TSHR: variants seen among roughly 807,000 people sequenced by gnomAD.
TSHR encodes thyroid stimulating hormone receptor.
A neutral mutation model predicts 64.1 loss-of-function variants in TSHR; 51 were observed. The ratio of observed to expected loss-of-function variants is 0.80; its 90% CI spans 0.64 to 1.01. The LOEUF (loss-of-function observed/expected upper bound fraction) is 1.01. TSHR is among the 50% of genes least tolerant of loss of function. The pLI is 0.00. For synonymous variants in TSHR, 361 were observed against 361.9 expected (o/e 1.00, Z 0.03); for missense variants, 877 against 942.8 (o/e 0.93, Z 0.91).
intron 8 of TSHR, among the ~76,000 whole-genome samples, chr14:81,115,923 C>A (rs1435756360): frequency 6.6e-6 from 1 of 151,998 alleles, no homozygotes; most frequent in African/African-American, 2.4e-5. Flanking sequence ...TCATATCCAG[C>A]CAAACTAAGC....
At position 81,079,734 on chromosome 14, in the gene TSHR, T is replaced by C. The variant is rs537586695; in HGVS notation, c.318-8220T>C. On this transcript the variant is annotated intron_variant, in intron 3 of 9. Coordinates refer to ENST00000298171, the MANE Select transcript of TSHR (RefSeq NM_000369.5). Reference sequence around the variant, plus strand: ...AGCTGGGCACAATGGCACTTGCCTATAGTCCCAGCTTCTCAGGAAGTTGAG... The same window carrying C: ...AGCTGGGCACAATGGCACTTGCCTACAGTCCCAGCTTCTCAGGAAGTTGAG... Among the ~76,000 whole-genome samples, 5 of 152,054 alleles carry C rather than the reference T, an allele frequency of 3.3e-5. No homozygotes were observed. In the East Asian group the frequency reaches 9.7e-4, roughly 29 times the overall value.
At chr14:81,007,017 T>C (rs781028649) in intron 1 of TSHR, among the ~76,000 whole-genome samples, 1 of 152,248 alleles carries the variant, frequency 6.6e-6, no homozygotes, top group Non-Finnish European at 1.5e-5. Flanking sequence ...AACAAACTTT[T>C]TCAGTCCCAG....
At chr14:81,110,471 C>T (rs932365553) in intron 8 of TSHR, among the ~76,000 whole-genome samples, 3 of 152,174 alleles carry the variant, frequency 2.0e-5, no homozygotes, top group African/African-American at 7.2e-5. Context: ...CAGGAGAAGC[C>T]AAACTTGCTG....
intron 1 of TSHR, among the ~76,000 whole-genome samples, chr14:81,034,346 T>C (rs1884513567): frequency 6.6e-6 from 1 of 152,148 alleles, no homozygotes; most frequent in Non-Finnish European, 1.5e-5. Flanking sequence ...AAGATCTAAG[T>C]GGGGTGCAGT....
intron 1 of TSHR, among the ~76,000 whole-genome samples, chr14:80,961,802 T>A (rs1887044482): frequency 6.6e-6 from 1 of 152,246 alleles, no homozygotes; most frequent in Non-Finnish European, 1.5e-5. Context: ...ACAATTACTT[T>A]GAGGAGTATT....
chr14:81,097,426 G>A (rs150875145), intron 7 of TSHR, among the ~76,000 whole-genome samples: 2 of 152,212 alleles, frequency 1.3e-5, no homozygotes, highest in African/African-American at 4.8e-5. Context: ...AATCTGTTGC[G>A]TATGGGGCTT....
At chr14:81,015,158 A>C (rs1327652242) in intron 1 of TSHR, among the ~76,000 whole-genome samples, 1 of 152,168 alleles carries the variant, frequency 6.6e-6, no homozygotes, top group East Asian at 1.9e-4. Flanking sequence ...AAACAACCAA[A>C]ATCCTTTTGT....
At chr14:80,984,197 T>A (rs1458801798) in intron 1 of TSHR, among the ~76,000 whole-genome samples, 2 of 152,226 alleles carry the variant, frequency 1.3e-5, no homozygotes, top group Non-Finnish European at 2.9e-5. Flanking sequence ...TCCAGCCGTA[T>A]CAGATACTCA....
At position 81,130,977 on chromosome 14, in the gene TSHR, G is replaced by A. The variant is rs1444888343; in HGVS notation, c.693-8702G>A. Among the ~76,000 whole-genome samples the A allele has an allele frequency of 6.7e-5, 5 of 75,100 alleles. 1 individual carries two copies. The highest frequency in any genetic ancestry group is 4.1e-5 in the Non-Finnish European group (2 of 48,716). The allele number at this position is 75,100 out of a possible 152,430, so 49.3% of individuals were successfully genotyped here. On this transcript the variant is annotated intron_variant, in intron 8 of 9. Transcript: ENST00000298171. ...CTGCAGTCCGCAGTCCGGCCTGGGC[G>A]ACAGAGCGAGACTCCGTCTCCAAAA...
intron 1 of TSHR, among the ~76,000 whole-genome samples, chr14:80,956,512 G>A (rs1886697083): frequency 6.6e-6 from 1 of 152,178 alleles, no homozygotes; most frequent in South Asian, 2.1e-4. Context: ...TTAGAAACCT[G>A]ATGTTAAATA....
chr14:80,974,011 A>C (rs1337026300), intron 1 of TSHR, among the ~76,000 whole-genome samples: 1 of 152,176 alleles, frequency 6.6e-6, no homozygotes, highest in East Asian at 1.9e-4. Context: ...ACAAACTAGT[A>C]AGATCTGTAA....
Position 81,067,956 on chromosome 14 carries a change from G to A in TSHR, c.243-298G>A, listed in dbSNP as rs1022905286. ...ATATATATATATATATATATATATC[G>A]CTAAATATGCATATGGGAAATTTTA... is the stretch of plus-strand genomic sequence containing the variant. On this transcript the variant is annotated intron_variant, in intron 2 of 9. Transcript: ENST00000298171. 2.4e-4 allele frequency among the ~76,000 whole-genome samples: 14 copies of A among 57,872 alleles called. 1 individual carries two copies. The highest frequency in any genetic ancestry group is 9.2e-4 in the African/African-American group (8 of 8,730). The allele number at this position is 57,872 out of a possible 152,430, so 38.0% of individuals were successfully genotyped here.
intron 7 of TSHR, among the ~76,000 whole-genome samples, chr14:81,098,018 T>C (rs1889327447): frequency 6.6e-6 from 1 of 152,220 alleles, no homozygotes; most frequent in Non-Finnish European, 1.5e-5. Context: ...TCCTTCCATC[T>C]TAACTTTATG....
intron 3 of TSHR, among the ~76,000 whole-genome samples, chr14:81,077,025 TTCTC>T (rs139298481): frequency 2.6e-5 from 4 of 150,974 alleles, no homozygotes; most frequent in Non-Finnish European, 5.9e-5. Flanking sequence ...AGACATTTAT[TTCTC>T]TCTCTCTCTC....
At chr14:81,083,052 CAGA>C (rs1888025994) in intron 3 of TSHR, among the ~76,000 whole-genome samples, 1 of 151,890 alleles carries the variant, frequency 6.6e-6, no homozygotes, top group Non-Finnish European at 1.5e-5. Flanking sequence ...TCTTCCTTAA[CAGA>C]AGATTTTAAG....
chr14:81,012,462 G>A (rs1889965990), intron 1 of TSHR: 1 of 151,096 alleles, frequency 6.6e-6, no homozygotes, highest in Admixed American at 6.6e-5. Context: ...ACCCAGTAAT[G>A]GGATGGCTGG....
intron 3 of TSHR, among the ~76,000 whole-genome samples, chr14:81,078,452 T>C (rs1168637751): frequency 6.6e-6 from 1 of 152,212 alleles, no homozygotes; most frequent in Non-Finnish European, 1.5e-5. Flanking sequence ...TTTTTCTATA[T>C]CTTTGCTTTT....
chr14:80,989,572 T>C (rs541352537), intron 1 of TSHR, among the ~76,000 whole-genome samples: 1 of 152,206 alleles, frequency 6.6e-6, no homozygotes, highest in Non-Finnish European at 1.5e-5. Flanking sequence ...CTGCTTGAAA[T>C]TCCCATCTGT....
At chr14:81,077,509 CACG>C (rs1887591531) in intron 3 of TSHR, among the ~76,000 whole-genome samples, 1 of 152,176 alleles carries the variant, frequency 6.6e-6, no homozygotes, top group Non-Finnish European at 1.5e-5. Context: ...ATTTAATCCT[CACG>C]ACAATTCTCT....
Sources: allele counts gnomAD v4.1 joint callset (sites outside exome capture counted in the v4.1 genomes callset), GRCh38; gene constraint gnomAD v4.1.1; transcripts MANE v1.5; gene names NCBI Gene and HGNC (gene_info 2026-07-23, HGNC 2026-07-21).